FBXW8: variants seen among roughly 807,000 people sequenced by gnomAD.
FBXW8 encodes the protein F-box and WD repeat domain containing 8.
A neutral mutation model predicts 65.3 loss-of-function variants in FBXW8; 57 were observed. That is an observed-to-expected ratio of 0.87 (90% CI 0.71 to 1.09). The LOEUF (loss-of-function observed/expected upper bound fraction) is 1.09. FBXW8 is among the 50% of genes least tolerant of loss of function. The probability of loss-of-function intolerance (pLI) is 0.00; values close to 1 mark genes in which losing one functional copy is unlikely to be tolerated. For missense variants in FBXW8, 777 were observed against 814.8 expected (o/e 0.95, Z 0.57); for synonymous variants, 308 against 330.2 (o/e 0.93, Z 0.73).
chr12:117,012,846 A>G (rs1164944994), intron 8 of FBXW8, among the ~76,000 whole-genome samples: 1 of 152,230 alleles, frequency 6.6e-6, no homozygotes, highest in African/African-American at 2.4e-5. Context: ...CTCTAAAGGT[A>G]CATAAAACTG....
chr12:116,972,192 G>T (rs544650969), intron 5 of FBXW8, among the ~76,000 whole-genome samples: 15 of 152,196 alleles, frequency 9.9e-5, no homozygotes, highest in Non-Finnish European at 2.2e-4. Flanking sequence ...TTTTATTACA[G>T]TTGAGTTACA....
At chr12:116,973,861 C>A (rs10850736) in intron 5 of FBXW8, among the ~76,000 whole-genome samples, 20,507 of 152,094 alleles carry the variant, frequency 0.13, 1,495 homozygotes, top group South Asian at 0.25. Flanking sequence ...TTGAAAGTTT[C>A]AAAATAAAAA....
intron 7 of FBXW8, among the ~76,000 whole-genome samples, chr12:117,000,497 T>C (rs1344673933): frequency 6.6e-6 from 1 of 152,248 alleles, no homozygotes; most frequent in Non-Finnish European, 1.5e-5. Flanking sequence ...CACTGAGCAC[T>C]GGCCCCACCC....
chr12:116,995,264 CCCACAATTCTTTTAAT>C (rs1470980364), intron 7 of FBXW8, among the ~76,000 whole-genome samples: 1 of 152,108 alleles, frequency 6.6e-6, no homozygotes, highest in Non-Finnish European at 1.5e-5. Flanking sequence ...TGAGGAAGAG[CCCACAATTCTTTTAAT>C]CTGACCTGCC....
At position 116,964,859 on chromosome 12, in the gene FBXW8, G is replaced by A. The variant is rs1237145401; in HGVS notation, c.835+5G>A. ...CAGTAGCAGCTTATGAGGATGGTAAGTAACCACAACCCTCCTCCCTATTAA... is the reference window on the plus strand; with the variant it reads ...CAGTAGCAGCTTATGAGGATGGTAAATAACCACAACCCTCCTCCCTATTAA... On this transcript the variant is annotated splice_donor_5th_base_variant and intron_variant, in intron 5 of 10. Transcript: ENST00000652555. The A allele has an allele frequency of 8.8e-6, 14 of 1,596,680 alleles. No individual in the cohort carries two copies. The highest frequency in any genetic ancestry group is 1.2e-5 in the Non-Finnish European group (14 of 1,172,286).
At chr12:116,946,033 G>A (rs1882909160) in intron 3 of FBXW8, among the ~76,000 whole-genome samples, 1 of 152,176 alleles carries the variant, frequency 6.6e-6, no homozygotes, top group Non-Finnish European at 1.5e-5. Flanking sequence ...GGAAATATTA[G>A]ATCACAGCTA....
intron 8 of FBXW8, among the ~76,000 whole-genome samples, chr12:117,012,707 A>G (rs1953854878): frequency 6.6e-6 from 1 of 152,032 alleles, no homozygotes; most frequent in Non-Finnish European, 1.5e-5. Context: ...TTATGAGGAG[A>G]ACTATGTCCT....
intron 10 of FBXW8, among the ~76,000 whole-genome samples, chr12:117,027,753 A>AG (rs1362079242): frequency 2.0e-5 from 3 of 152,206 alleles, no homozygotes; most frequent in African/African-American, 7.2e-5. Flanking sequence ...CCGTATGCTG[A>AG]GGGGCCTGCT....
At chr12:117,014,830 T>C (rs903566517) in intron 8 of FBXW8, among the ~76,000 whole-genome samples, 2 of 152,178 alleles carry the variant, frequency 1.3e-5, no homozygotes, top group African/African-American at 4.8e-5. Context: ...AGCCTGGGAT[T>C]TATGTGGGTT....
intron 7 of FBXW8, among the ~76,000 whole-genome samples, chr12:116,999,623 A>G (rs1374524153): frequency 6.7e-6 from 1 of 150,104 alleles, no homozygotes; most frequent in Non-Finnish European, 1.5e-5. Context: ...CTCACGGTCC[A>G]CTTCAGGTTT....
intron 7 of FBXW8, among the ~76,000 whole-genome samples, chr12:117,006,634 G>A (rs1022467793): frequency 1.2e-4 from 18 of 152,226 alleles, no homozygotes; most frequent in African/African-American, 3.4e-4. Context: ...GAAGATGATC[G>A]GTGGGTCTCC....
At chr12:116,930,221 A>G (rs1881662714) in intron 2 of FBXW8, among the ~76,000 whole-genome samples, 1 of 152,190 alleles carries the variant, frequency 6.6e-6, no homozygotes, top group Non-Finnish European at 1.5e-5. Flanking sequence ...TATGGTAGTT[A>G]TATTTTTAAT....
intron 5 of FBXW8, among the ~76,000 whole-genome samples, chr12:116,972,830 G>C (rs75472918): frequency 1.3e-5 from 2 of 152,192 alleles, no homozygotes; most frequent in Non-Finnish European, 2.9e-5. Context: ...ATATGTTTAT[G>C]TGTGTCCTGG....
chr12:116,965,836 G>A (rs1252003572), intron 5 of FBXW8, among the ~76,000 whole-genome samples: 1 of 151,894 alleles, frequency 6.6e-6, no homozygotes, highest in African/African-American at 2.4e-5. Context: ...TCAGTTCACT[G>A]CATCCTCAAC....
chr12:116,983,443 G>C (rs1212296425), intron 5 of FBXW8, among the ~76,000 whole-genome samples: 1 of 152,170 alleles, frequency 6.6e-6, no homozygotes. Flanking sequence ...GCTTGAAGAA[G>C]GCTCTGCTTT....
At chr12:116,925,357 G>A (rs1881240119) in intron 1 of FBXW8, among the ~76,000 whole-genome samples, 1 of 152,172 alleles carries the variant, frequency 6.6e-6, no homozygotes. Flanking sequence ...GAATGAGTGG[G>A]ACCGGAAGCG....
intron 8 of FBXW8, among the ~76,000 whole-genome samples, chr12:117,022,021 T>G (rs1224972097): frequency 2.0e-5 from 3 of 152,214 alleles, no homozygotes; most frequent in African/African-American, 7.2e-5. Flanking sequence ...TAGGCTTTGG[T>G]AATAGAATGC....
At chr12:116,941,760 C>G (rs1367985327) in intron 2 of FBXW8, among the ~76,000 whole-genome samples, 1 of 152,042 alleles carries the variant, frequency 6.6e-6, no homozygotes, top group Admixed American at 6.6e-5. Flanking sequence ...TCATCACTGC[C>G]TTCTTTTGTG....
chr12:116,923,651 G>A (rs977098575), intron 1 of FBXW8, among the ~76,000 whole-genome samples: 3 of 151,732 alleles, frequency 2.0e-5, no homozygotes, highest in African/African-American at 7.3e-5. Context: ...AGCCTCTCGA[G>A]TAGCTGGGAC....
Sources: gnomAD v4.1 joint callset for allele counts (sites outside exome capture counted in the v4.1 genomes callset) on GRCh38, gnomAD v4.1.1 for gene constraint, MANE v1.5 for transcripts, NCBI Gene and HGNC (gene_info 2026-07-23, HGNC 2026-07-21) for gene names.